Variants in SLTM observed in about 807,000 individuals in gnomAD.
The protein encoded by SLTM is SAFB-like transcription modulator.
A neutral mutation model predicts 134.6 loss-of-function variants in SLTM; 43 were observed. That is an observed-to-expected ratio of 0.32 (90% CI 0.25 to 0.41). SLTM has a LOEUF of 0.41. Among genes scored for constraint, SLTM ranks in the 10% least tolerant of loss-of-function variants. The pLI, the probability that SLTM is intolerant of heterozygous loss-of-function variation, is 1.00. For missense variants in SLTM, 1,055 were observed against 1,288.8 expected (o/e 0.82, Z 2.78); for synonymous variants, 424 against 432.3 (o/e 0.98, Z 0.24).
At chr15:58,897,910 G>A (rs1440674343) in intron 8 of SLTM, 2 of 152,004 alleles carry the variant, frequency 1.3e-5, no homozygotes, top group Non-Finnish European at 2.9e-5. Context: ...TATGTATAGA[G>A]GCCATATCTT....
At chr15:58,910,085 A>C (rs531212931) in intron 5 of SLTM, among the ~76,000 whole-genome samples, 1 of 152,344 alleles carries the variant, frequency 6.6e-6, no homozygotes, top group Admixed American at 6.5e-5. Context: ...CATAATATTA[A>C]AATTTTTATT....
intron 9 of SLTM, 66 bp from the exon 10 acceptor site, chr15:58,894,648 T>C (rs2140999514): frequency 7.0e-7 from 1 of 1,430,184 alleles, no homozygotes; most frequent in Non-Finnish European, 9.8e-7. Flanking sequence ...TCTAAATACA[T>C]GAAACTTCAC....
In SLTM at chr15:58,888,631, T is replaced by C. The variant is rs1457053922; in HGVS notation, c.2205-76A>G. 4 of 1,425,952 alleles carry C rather than the reference T, an allele frequency of 2.8e-6. No homozygotes were observed. In the African/African-American group the frequency reaches 4.2e-5, roughly 15 times the overall value. The allele number at this position is 1,425,952 out of a possible 1,614,324, so 88.3% of individuals were successfully genotyped here. On this transcript the variant is annotated intron_variant, in intron 16 of 20. Transcript: ENST00000380516. The stretch of plus-strand genomic sequence containing the variant: ...AACGACATTTACTTGGAGTCATACA[T>C]ACCACATGTTAGAACTGTGGACATA...
intron 2 of SLTM, among the ~76,000 whole-genome samples, chr15:58,920,260 G>A (rs908918276): frequency 6.6e-6 from 1 of 151,894 alleles, no homozygotes; most frequent in Admixed American, 6.6e-5. Flanking sequence ...AGTGGAGGTT[G>A]CGGTAAGCTG....
intron 5 of SLTM, among the ~76,000 whole-genome samples, chr15:58,908,517 C>T (rs376190110): frequency 6.6e-6 from 1 of 152,076 alleles, no homozygotes; most frequent in African/African-American, 2.4e-5. Flanking sequence ...CAGGCACAGA[C>T]CACCATACCC....
chr15:58,916,201 A>C (rs1021907610), intron 3 of SLTM, among the ~76,000 whole-genome samples: 1 of 129,690 alleles, frequency 7.7e-6, no homozygotes, highest in African/African-American at 2.9e-5. Context: ...TTTGAGACGG[A>C]GTCTTGCTGT....
intron 5 of SLTM, among the ~76,000 whole-genome samples, chr15:58,910,263 G>A (rs1042108554): frequency 6.6e-6 from 1 of 152,150 alleles, no homozygotes; most frequent in East Asian, 1.9e-4. Flanking sequence ...CTGAAGCGAG[G>A]TGATTGTTAC....
At chr15:58,925,264 C>A (rs1183672665) in intron 2 of SLTM, among the ~76,000 whole-genome samples, 1 of 152,108 alleles carries the variant, frequency 6.6e-6, no homozygotes, top group South Asian at 2.1e-4. Flanking sequence ...TGACATTTTA[C>A]TAACAAAATC....
intron 3 of SLTM, among the ~76,000 whole-genome samples, chr15:58,915,145 C>T (rs560059357): frequency 1.7e-4 from 26 of 152,132 alleles, no homozygotes; most frequent in South Asian, 1.2e-3. Context: ...GAGCTGACAT[C>T]GCACCACTGC....
At position 58,932,368 on chromosome 15, in the gene SLTM, T is replaced by G. The variant is rs1039597209; in HGVS notation, c.238A>C (p.Thr80Pro). Residue 80 changes from threonine (T) to proline (P), a missense_variant, in exon 2 of 21, where the codon ACT becomes CCT. By Grantham distance (38) the Thr-to-Pro change is conservative. Around this residue, in one of 3 missense-constraint regions of SLTM, gnomAD observed 268 missense variants for 284.3 expected, o/e 0.94. Transcript: ENST00000380516. Reference sequence around the variant, plus strand: ...AACTCGTAACAACCTTTGCCTTTAGTTGGTTTCTTGTTTGGAGTATCAGTT... The same window carrying G: ...AACTCGTAACAACCTTTGCCTTTAGGTGGTTTCTTGTTTGGAGTATCAGTT... Reference protein sequence around the residue: ...VSTDTPNKKPTKGKGKKHEAD... With the variant: ...VSTDTPNKKPPKGKGKKHEAD... The G allele has an allele frequency of 3.1e-6, 5 of 1,612,816 alleles. No individual in the cohort carries two copies. The highest frequency in any genetic ancestry group is 4.2e-6 in the Non-Finnish European group (5 of 1,178,926).
chr15:58,917,051 C>T (rs773749466), intron 2 of SLTM, 52 bp from the exon 3 acceptor site: 16 of 1,545,660 alleles, frequency 1.0e-5, no homozygotes, highest in Non-Finnish European at 1.2e-5. Context: ...ACTTTAAGAA[C>T]AAAAAATATT....
At chr15:58,896,499 C>T (rs183750757) in intron 9 of SLTM, among the ~76,000 whole-genome samples, 4 of 151,860 alleles carry the variant, frequency 2.6e-5, no homozygotes, top group African/African-American at 9.7e-5. Context: ...AGGCAGAGGT[C>T]GCAGTGAGCC....
In SLTM at chr15:58,879,809, C is replaced by A; in HGVS notation, c.*190G>T. 1.5e-6 allele frequency: 1 copy of A among 657,784 alleles called. No homozygotes were observed. Among genetic ancestry groups the A allele is most frequent in the Non-Finnish European group, 2.3e-6 (1 of 427,284 alleles). The allele number at this position is 657,784 out of a possible 1,614,324, so 40.7% of individuals were successfully genotyped here. A position where few individuals can be genotyped will look rare whatever the true frequency, so the allele number is the denominator to read the frequency against. On this transcript the variant is annotated 3_prime_UTR_variant, in exon 21 of 21. Transcript: ENST00000380516. ...AAAAAAAGTTGAATGATACACAAAA[C>A]TATTAAAAGTTACAACAGAACTATT...
chr15:58,891,764 T>G (rs114637854), intron 14 of SLTM, among the ~76,000 whole-genome samples: 398 of 152,344 alleles, frequency 2.6e-3, no homozygotes, highest in African/African-American at 9.3e-3. Flanking sequence ...TATATTATAG[T>G]TAAGCCATTA....
At chr15:58,905,714 A>T (rs1161705562) in intron 5 of SLTM, among the ~76,000 whole-genome samples, 12 of 152,130 alleles carry the variant, frequency 7.9e-5, no homozygotes, top group Admixed American at 7.2e-4. Context: ...GGCTATTTTA[A>T]AAAGTAAAAT....
At chr15:58,925,566 G>C (rs1213224958) in intron 2 of SLTM, among the ~76,000 whole-genome samples, 1 of 152,118 alleles carries the variant, frequency 6.6e-6, no homozygotes, top group Non-Finnish European at 1.5e-5. Context: ...TCGAACTCCT[G>C]ACCTCAAGTG....
In SLTM at chr15:58,890,511, G is replaced by A. The variant is rs1241398920; in HGVS notation, c.1899-50C>T. On this transcript the variant is annotated intron_variant, in intron 14 of 20. Transcript: ENST00000380516. The stretch of plus-strand genomic sequence containing the variant: ...TACTTAAATTATGCTAGCACTGTGT[G>A]AAAGAGAATAGCTTTGAATTTGAAT... The A allele has an allele frequency of 4.6e-6, 7 of 1,522,804 alleles. No homozygotes were observed. In the Admixed American group the frequency reaches 1.4e-4, roughly 30 times the overall value. The allele number at this position is 1,522,804 out of a possible 1,614,324, so 94.3% of individuals were successfully genotyped here.
At position 58,887,617 on chromosome 15, in the gene SLTM, T is replaced by C; in HGVS notation, c.2376-77A>G. On this transcript the variant is annotated intron_variant, in intron 17 of 20. Coordinates refer to ENST00000380516, the MANE Select transcript of SLTM (RefSeq NM_024755.4). ...TTAATTCTTCTTAACTTTGTCTGCATAACCTACAATAATGAAACCAAAAAA... is the reference window on the plus strand; with the variant it reads ...TTAATTCTTCTTAACTTTGTCTGCACAACCTACAATAATGAAACCAAAAAA... 4 of 1,514,946 alleles carry C rather than the reference T, an allele frequency of 2.6e-6. No individual in the cohort carries two copies. In the Middle Eastern group the frequency reaches 7.1e-4, roughly 270 times the overall value. The allele number at this position is 1,514,946 out of a possible 1,614,324, so 93.8% of individuals were successfully genotyped here.
chr15:58,917,751 T>C (rs112105741), intron 2 of SLTM, among the ~76,000 whole-genome samples: 1 of 152,078 alleles, frequency 6.6e-6, no homozygotes, highest in Non-Finnish European at 1.5e-5. Context: ...TTTAAGAATA[T>C]TTATTTATTT....
Sources: allele counts gnomAD v4.1 joint callset (sites outside exome capture counted in the v4.1 genomes callset), GRCh38; gene constraint gnomAD v4.1.1; regional missense constraint gnomAD v4.1.1; transcripts MANE v1.5; gene names NCBI Gene and HGNC (gene_info 2026-07-23, HGNC 2026-07-21).